The following UNC13C variants were observed in gnomAD, a reference collection of about 807,000 sequenced individuals.
The protein encoded by UNC13C is unc-13 homolog C.
A neutral mutation model predicts 245.4 loss-of-function variants in UNC13C; 174 were observed. The observed-to-expected ratio is 0.71, with a 90% CI of 0.63 to 0.80. UNC13C has a LOEUF of 0.80. Among genes scored for constraint, UNC13C ranks in the 30% least tolerant of loss-of-function variants. The pLI is 0.00. For missense variants in UNC13C, 2,829 were observed against 2,602.9 expected, an observed-to-expected ratio of 1.09 and a Z score of -1.89; for synonymous variants, 992 against 895.1, an observed-to-expected ratio of 1.11 and a Z score of -1.93.
rs556054908 is a variant in UNC13C, at chr15:54,060,430, A to C, written c.2983+44544A>C. On this transcript the variant is annotated intron_variant, in intron 2 of 32. Transcript: ENST00000260323. Reference sequence around the variant, plus strand: ...AAACCACAATGAGATACCATCTCACACCAGTTAGAATGGTGATCATTAAAA... The same window carrying C: ...AAACCACAATGAGATACCATCTCACCCCAGTTAGAATGGTGATCATTAAAA... Among the ~76,000 whole-genome samples the C allele has an allele frequency of 1.4e-4, 21 of 152,314 alleles. No individual in the cohort carries two copies. In the East Asian group the frequency reaches 4.1e-3, roughly 29 times the overall value.
intron 4 of UNC13C, among the ~76,000 whole-genome samples, chr15:54,197,390 G>A (rs13329258): frequency 0.083 from 12,613 of 151,804 alleles, 741 homozygotes; most frequent in African/African-American, 0.16. Context: ...TTGAACCCAG[G>A]AGGCGGAGGT....
At chr15:53,842,563 T>C in the UNC13C span, among the ~76,000 whole-genome samples, 17 of 152,178 alleles carry the variant, frequency 1.1e-4, 1 homozygote, top group Admixed American at 1.0e-3. Context: ...CTTGAGACTT[T>C]CGTTGAATAC....
At chr15:53,914,826 T>A in the UNC13C span, 1 of 152,206 alleles carries the variant, frequency 6.6e-6, no homozygotes, top group Non-Finnish European at 1.5e-5. Flanking sequence ...TAATGAGATA[T>A]GTGATAACTG....
intron 10 of UNC13C, among the ~76,000 whole-genome samples, chr15:54,280,538 C>T (rs192096160): frequency 1.9e-4 from 29 of 150,764 alleles, no homozygotes; most frequent in East Asian, 3.9e-4. Flanking sequence ...TCATTGCAGA[C>T]GGAAATTGAT....
rs1210802982 is a variant in UNC13C, at chr15:54,455,215, A to C, written c.4934-39393A>C. On this transcript the variant is annotated intron_variant, in intron 19 of 32. Transcript: ENST00000260323. ...TCTCTCTCTCTCTCTCTATATATATATATATATATATATATATATATATGT... is the reference window on the plus strand; with the variant it reads ...TCTCTCTCTCTCTCTCTATATATATCTATATATATATATATATATATATGT... Among the ~76,000 whole-genome samples the C allele has an allele frequency of 4.4e-3, 262 of 59,108 alleles. 3 individuals carry two copies. Among genetic ancestry groups the C allele is most frequent in the African/African-American group, 8.0e-3 (155 of 19,282 alleles). 38.8% of individuals were successfully genotyped at this position (59,108 alleles called of 152,430 possible).
At chr15:54,528,326 T>G (rs1317652819) in intron 25 of UNC13C, among the ~76,000 whole-genome samples, 1 of 151,636 alleles carries the variant, frequency 6.6e-6, no homozygotes, top group African/African-American at 2.4e-5. Context: ...TCCTTTTTTT[T>G]TTTTTTTCTT....
intron 19 of UNC13C, among the ~76,000 whole-genome samples, chr15:54,489,805 T>A (rs1893612896): frequency 6.6e-6 from 1 of 152,246 alleles, no homozygotes; most frequent in Admixed American, 6.5e-5. Flanking sequence ...TATTTGCCAC[T>A]TAAGGGCAAA....
intron 17 of UNC13C, among the ~76,000 whole-genome samples, chr15:54,367,181 G>A (rs2039384430): frequency 6.6e-6 from 1 of 152,038 alleles, no homozygotes; most frequent in Non-Finnish European, 1.5e-5. Flanking sequence ...GAAGAAATAT[G>A]CCAACCCCTA....
intron 24 of UNC13C, among the ~76,000 whole-genome samples, chr15:54,522,071 C>T (rs1454359193): frequency 2.0e-5 from 3 of 152,150 alleles, no homozygotes; most frequent in African/African-American, 7.2e-5. Context: ...GGGCTAGCTA[C>T]ACTTGAGCGA....
At chr15:54,499,178 G>A (rs1000553353) in intron 20 of UNC13C, among the ~76,000 whole-genome samples, 1 of 152,076 alleles carries the variant, frequency 6.6e-6, no homozygotes, top group African/African-American at 2.4e-5. Context: ...AGAGAGAATG[G>A]GGCATCTCAC....
chr15:54,500,996 A>G lies in UNC13C; in HGVS notation c.5301+18A>G. On this transcript the variant is annotated intron_variant, in intron 22 of 32. Transcript: ENST00000260323. ...TTGCAAAGGTAGGTTAAATAAAATG[A>G]GTCTTCTTTTTCTCTGGGTCTGTGG... 1 of 1,609,576 alleles carries G rather than the reference A, an allele frequency of 6.2e-7. No individual in the cohort carries two copies. The highest frequency in any genetic ancestry group is 8.5e-7 in the Non-Finnish European group (1 of 1,177,522).
chr15:54,360,686 T>C (rs982408893), intron 17 of UNC13C, among the ~76,000 whole-genome samples: 2 of 152,162 alleles, frequency 1.3e-5, no homozygotes, highest in African/African-American at 4.8e-5. Context: ...CAGCCTTTAT[T>C]TGCCTGGGAA....
intron 10 of UNC13C, among the ~76,000 whole-genome samples, chr15:54,283,041 C>A (rs2037041102): frequency 6.6e-6 from 1 of 152,088 alleles, no homozygotes; most frequent in Non-Finnish European, 1.5e-5. Flanking sequence ...TAGGAAAGGG[C>A]AGGTATGTAT....
intron 30 of UNC13C, among the ~76,000 whole-genome samples, chr15:54,620,140 G>A (rs1459337994): frequency 3.3e-5 from 5 of 152,104 alleles, no homozygotes; most frequent in Non-Finnish European, 7.4e-5. Context: ...TGTATTTTGA[G>A]AGTCTAGTAA....
intron 2 of UNC13C, among the ~76,000 whole-genome samples, chr15:54,105,794 T>C (rs1900415254): frequency 6.6e-6 from 1 of 152,216 alleles, no homozygotes; most frequent in South Asian, 2.1e-4. Context: ...CAACCAGATT[T>C]CGTGACTGGC....
At chr15:54,070,574 C>T (rs1442118368) in intron 2 of UNC13C, among the ~76,000 whole-genome samples, 1 of 152,040 alleles carries the variant, frequency 6.6e-6, no homozygotes, top group Non-Finnish European at 1.5e-5. Flanking sequence ...TGTTAGCTTG[C>T]ATAGGTTTTT....
intron 5 of UNC13C, among the ~76,000 whole-genome samples, chr15:54,235,780 G>T (rs988595833): frequency 1.3e-5 from 2 of 152,142 alleles, no homozygotes; most frequent in African/African-American, 4.8e-5. Context: ...GAACCCGGGA[G>T]GCGGAGCTTG....
At position 54,627,041 on chromosome 15, in the gene UNC13C, G is replaced by A. The variant is rs754026987; in HGVS notation, c.6573G>A (p.Arg2191=). 1 of 1,613,248 alleles carries A rather than the reference G, an allele frequency of 6.2e-7. No individual in the cohort carries two copies. Among genetic ancestry groups the A allele is most frequent in the East Asian group, 2.2e-5 (1 of 44,836 alleles). Residue 2191 remains arginine (R), a synonymous_variant, in exon 33 of 33, where the codon AGG becomes AGA. Coordinates refer to ENST00000260323, the MANE Select transcript of UNC13C (RefSeq NM_001080534.3). ...CTATCCTTAGAATACTCTCTCAGAG[G>A]ACCAGTGATGATGTGGCTAAAGAAT... is the stretch of plus-strand genomic sequence containing the variant. ...GLTILRILSQ[R]TSDDVAKEFV... is the part of the protein sequence containing the mutation.
At chr15:54,005,104 A>C (rs1211769256) in intron 1 of UNC13C, among the ~76,000 whole-genome samples, 1 of 152,112 alleles carries the variant, frequency 6.6e-6, no homozygotes, top group African/African-American at 2.4e-5. Context: ...CCAAGTCCTG[A>C]GGGATATCCT....
Sources: allele counts gnomAD v4.1 joint callset (sites outside exome capture counted in the v4.1 genomes callset), GRCh38; gene constraint gnomAD v4.1.1; transcripts MANE v1.5; gene names NCBI Gene and HGNC (gene_info 2026-07-23, HGNC 2026-07-21).